Variants in NEMF observed in about 807,000 individuals in gnomAD.
NEMF encodes nuclear export mediator factor.
Under a neutral mutation model 162.2 loss-of-function variants are expected in NEMF, and 89 were observed. That is an observed-to-expected ratio of 0.55 (90% CI 0.46 to 0.65). The LOEUF is 0.65. Ranked by LOEUF, NEMF falls within the 30% of genes least tolerant of loss-of-function variation. NEMF has a pLI of 0.00. For missense variants in NEMF, 1,133 were observed against 1,261.9 expected (o/e 0.90, Z 1.55); for synonymous variants, 421 against 404.5 (o/e 1.04, Z -0.49).
At chr14:49,839,464 T>C (rs895142387) in intron 5 of NEMF, 1 of 152,222 alleles carries the variant, frequency 6.6e-6, no homozygotes, top group Non-Finnish European at 1.5e-5. Context: ...TATGTTAAAC[T>C]TCAGGAACCA....
chr14:49,800,563 A>C lies in NEMF; in HGVS notation c.2229T>G (p.Ile743Met), dbSNP rs1049155367. The change falls in exon 23 of 33, where the codon ATT becomes ATG. Residue 743 changes from isoleucine to methionine, a missense_variant. Around this residue, in one of 3 missense-constraint regions of NEMF, gnomAD observed 532 missense variants for 578.6 expected, o/e 0.92. Transcript: ENST00000298310. ...CTTCGTCTTCAGAGCTTTCTTCCTG[A>C]ATGAGCTCCTCATTTAGTTCATCTC... ...SGRDELNEEL[I>M]QEESSEDEGE... is the part of the protein sequence containing the mutation. The C allele has an allele frequency of 1.9e-6, 3 of 1,614,022 alleles. No homozygotes were observed.
At chr14:49,834,311 T>G in intron 7 of NEMF, 52 bp downstream of exon 7, 1 of 1,314,290 alleles carries the variant, frequency 7.6e-7, no homozygotes. Context: ...AGAAAAAATT[T>G]TCATAGTTTA....
chr14:49,794,718 CTTTT>C (rs10645758), intron 26 of NEMF, among the ~76,000 whole-genome samples: 1 of 137,666 alleles, frequency 7.3e-6, no homozygotes. Context: ...ACTGCTACAG[CTTTT>C]TTTTTTTTTT....
chr14:49,840,696 G>A (rs1310864773), intron 5 of NEMF, 22 bp downstream of exon 5: 2 of 1,601,420 alleles, frequency 1.2e-6, no homozygotes, highest in Non-Finnish European at 1.7e-6. Context: ...TACGAAATGG[G>A]TTTAAAAACA....
At chr14:49,832,829 T>G (rs1328387245) in intron 8 of NEMF, among the ~76,000 whole-genome samples, 1 of 152,120 alleles carries the variant, frequency 6.6e-6, no homozygotes, top group Non-Finnish European at 1.5e-5. Flanking sequence ...GGCTGACAAA[T>G]GAAAATGTGC....
In NEMF at chr14:49,784,581, C is replaced by A; in HGVS notation, c.*55G>T. 7.9e-7 allele frequency: 1 copy of A among 1,259,782 alleles called. No homozygotes were observed. The highest frequency in any genetic ancestry group is 1.1e-6 in the Non-Finnish European group (1 of 873,368). 78.0% of individuals were successfully genotyped at this position (1,259,782 alleles called of 1,614,324 possible). ...GATACATGGTGCTTTCATCTTTGAA[C>A]TTCCAAAAGGCTATAAAATTGGCTC... On this transcript the variant is annotated 3_prime_UTR_variant, in exon 33 of 33. Coordinates refer to ENST00000298310, the MANE Select transcript of NEMF (RefSeq NM_004713.6).
chr14:49,784,721 A>T lies in NEMF; in HGVS notation c.3154-8T>A. 6.2e-7 allele frequency: 1 copy of T among 1,609,484 alleles called. No homozygotes were observed. The highest frequency in any genetic ancestry group is 8.5e-7 in the Non-Finnish European group (1 of 1,176,534). On this transcript the variant is annotated splice_region_variant and splice_polypyrimidine_tract_variant and intron_variant, in intron 32 of 32. Coordinates refer to ENST00000298310, the MANE Select transcript of NEMF (RefSeq NM_004713.6). ...TCTTGATAAATCTGTGTCCTAAAAA[A>T]AGAAAATTGCTGAATATCTTCACAT...
chr14:49,804,000 A>C (rs1891073666), intron 19 of NEMF, among the ~76,000 whole-genome samples: 1 of 151,094 alleles, frequency 6.6e-6, no homozygotes, highest in African/African-American at 2.4e-5. Flanking sequence ...TTGATAATAA[A>C]GTTTTGCCTT....
At chr14:49,792,588 A>G (rs1890503649) in intron 26 of NEMF, among the ~76,000 whole-genome samples, 1 of 152,214 alleles carries the variant, frequency 6.6e-6, no homozygotes, top group South Asian at 2.1e-4. Context: ...TGAAACTGGT[A>G]TAATGTAAAC....
intron 26 of NEMF, among the ~76,000 whole-genome samples, chr14:49,794,130 G>A (rs1424847748): frequency 6.6e-6 from 1 of 151,818 alleles, no homozygotes; most frequent in Non-Finnish European, 1.5e-5. Context: ...ATTTTTTTCT[G>A]TCTAGCTATT....
chr14:49,819,495 A>G (rs1182163072), intron 16 of NEMF, among the ~76,000 whole-genome samples: 2 of 151,748 alleles, frequency 1.3e-5, no homozygotes, highest in Admixed American at 1.3e-4. Context: ...GCTCACTGCA[A>G]CGTCTGCCTC....
chr14:49,795,474 A>C (rs2139841996), intron 26 of NEMF, among the ~76,000 whole-genome samples: 1 of 152,294 alleles, frequency 6.6e-6, no homozygotes, highest in East Asian at 1.9e-4. Context: ...CCAAAATCTA[A>C]AAATTACTGA....
intron 26 of NEMF, among the ~76,000 whole-genome samples, chr14:49,789,828 G>A (rs1257511870): frequency 6.6e-6 from 1 of 152,112 alleles, no homozygotes; most frequent in Non-Finnish European, 1.5e-5. Context: ...CTGTGAGGAA[G>A]AAATAAAGTA....
At chr14:49,852,171 G>T (rs61982330) in intron 1 of NEMF, among the ~76,000 whole-genome samples, 3 of 10,962 alleles carry the variant, frequency 2.7e-4, no homozygotes, top group Non-Finnish European at 2.0e-3. Flanking sequence ...TATTACAAGG[G>T]AGAAAAAAAA....
intron 1 of NEMF, among the ~76,000 whole-genome samples, 162 bp from the exon 2 acceptor site, chr14:49,852,037 C>G (rs937805323): frequency 2.0e-5 from 3 of 152,146 alleles, no homozygotes; most frequent in African/African-American, 7.2e-5. Flanking sequence ...CAGTTCAAAA[C>G]TTAAGAGTAA....
At chr14:49,796,459 G>T in intron 25 of NEMF, 1 of 312,876 alleles carries the variant, frequency 3.2e-6, no homozygotes, top group Non-Finnish European at 6.3e-6. Flanking sequence ...TTCCTCCAGA[G>T]TCTACATACT....
At chr14:49,833,156 C>T (rs1892728649) in intron 8 of NEMF, among the ~76,000 whole-genome samples, 1 of 152,072 alleles carries the variant, frequency 6.6e-6, no homozygotes, top group Non-Finnish European at 1.5e-5. Context: ...GTCCCAGCTA[C>T]TCGGGAGGCT....
intron 17 of NEMF, among the ~76,000 whole-genome samples, chr14:49,814,457 A>T (rs1891629602): frequency 2.6e-5 from 4 of 152,206 alleles, no homozygotes; most frequent in African/African-American, 9.6e-5. Context: ...CCACTACAGT[A>T]AGCTTTTAAA....
intron 16 of NEMF, among the ~76,000 whole-genome samples, chr14:49,822,406 A>G (rs1455913384): frequency 1.3e-5 from 2 of 151,624 alleles, no homozygotes. Context: ...CTGTAGTCCC[A>G]GCTACTTGGG....
Sources: allele counts gnomAD v4.1 joint callset (sites outside exome capture counted in the v4.1 genomes callset), GRCh38; gene constraint gnomAD v4.1.1; regional missense constraint gnomAD v4.1.1; transcripts MANE v1.5; gene names NCBI Gene and HGNC (gene_info 2026-07-23, HGNC 2026-07-21).